The following MAP4 variants were observed in gnomAD, a reference collection of about 807,000 sequenced individuals.
MAP4 encodes the protein microtubule associated protein 4, also known as microtubule-associated protein 4.
Under a neutral mutation model 170.2 loss-of-function variants are expected in MAP4, and 76 were observed. That is an observed-to-expected ratio of 0.45 (90% CI 0.37 to 0.54). The LOEUF (loss-of-function observed/expected upper bound fraction) is 0.54, where lower values mean the gene tolerates loss of function less well. Ranked by LOEUF, MAP4 falls within the 20% of genes least tolerant of loss-of-function variation. The probability of loss-of-function intolerance (pLI) is 0.00; values close to 1 mark genes in which losing one functional copy is unlikely to be tolerated. For missense variants in MAP4, 2,506 were observed against 2,748.0 expected (o/e 0.91, Z 1.97); for synonymous variants, 909 against 994.5 (o/e 0.91, Z 1.62).
intron 2 of MAP4, among the ~76,000 whole-genome samples, chr3:47,989,897 GCA>G (rs1289062482): frequency 6.6e-6 from 1 of 151,860 alleles, no homozygotes. Context: ...ATCGAAAATA[GCA>G]CACTTTTTTT....
At chr3:47,993,386 G>A (rs897709393) in intron 2 of MAP4, among the ~76,000 whole-genome samples, 10 of 152,126 alleles carry the variant, frequency 6.6e-5, no homozygotes, top group African/African-American at 1.4e-4. Flanking sequence ...GAAGCCCACC[G>A]TGGCAGACCA....
At position 47,909,413 on chromosome 3, in the gene MAP4, A is replaced by G. The variant is rs1252509859; in HGVS notation, c.5008T>C (p.Leu1670=). The change falls in exon 9 of 21, where the codon TTG becomes CTG. Residue 1670 remains leucine (L), a synonymous_variant. Transcript: ENST00000683076. ...TTACAAGCCAGACTAATTTCTTTCA[A>G]TTTATCATTTTCACTTTTTGGAGAC... ...LLSPKSENDK[L]KEISLACKIT... 1.2e-6 allele frequency: 2 copies of G among 1,613,400 alleles called. No homozygotes were observed. The highest frequency in any genetic ancestry group is 2.7e-5 in the African/African-American group (2 of 74,860).
At chr3:47,922,882 T>C (rs540758908) in intron 4 of MAP4, among the ~76,000 whole-genome samples, 1 of 152,250 alleles carries the variant, frequency 6.6e-6, no homozygotes, top group East Asian at 1.9e-4. Context: ...ACCCCGTCTC[T>C]ACTAAAAATA....
chr3:47,947,813 A>T (rs1442209336), intron 3 of MAP4, among the ~76,000 whole-genome samples: 3 of 151,662 alleles, frequency 2.0e-5, no homozygotes, highest in Non-Finnish European at 4.4e-5. Flanking sequence ...TCAAAAAAAA[A>T]AAAAAAGAAA....
chr3:47,901,824 G>C (rs1261913761), intron 10 of MAP4, among the ~76,000 whole-genome samples: 1 of 152,212 alleles, frequency 6.6e-6, no homozygotes, highest in African/African-American at 2.4e-5. Context: ...GAGGGTACAA[G>C]TGAAGGGTGA....
At chr3:47,987,301 G>T in intron 2 of MAP4, 2 of 1,016,264 alleles carry the variant, frequency 2.0e-6, no homozygotes, top group Non-Finnish European at 2.8e-6. Context: ...ATGTTAATAA[G>T]TGTAAGATAA....
At chr3:47,884,297 A>C (rs1014626840) in intron 10 of MAP4, among the ~76,000 whole-genome samples, 5 of 152,078 alleles carry the variant, frequency 3.3e-5, no homozygotes, top group Admixed American at 3.3e-4. Flanking sequence ...TTTTAATTTT[A>C]ATTATTATAT....
intron 17 of MAP4, among the ~76,000 whole-genome samples, chr3:47,863,891 GTTAT>G (rs925860562): frequency 6.9e-6 from 1 of 144,014 alleles, no homozygotes; most frequent in African/African-American, 2.8e-5. Flanking sequence ...TGGTAACTGC[GTTAT>G]TTCTGTGTGT....
intron 10 of MAP4, among the ~76,000 whole-genome samples, chr3:47,885,359 A>G (rs2097397400): frequency 7.1e-6 from 1 of 141,596 alleles, no homozygotes; most frequent in Non-Finnish European, 1.5e-5. Context: ...GCAAGATCCC[A>G]TCTCTACCAT....
intron 8 of MAP4, among the ~76,000 whole-genome samples, chr3:47,914,567 G>GACA (rs951926113): frequency 2.0e-5 from 3 of 148,608 alleles, no homozygotes; most frequent in South Asian, 2.2e-4. Context: ...AAAAAACAAC[G>GACA]ACAACAACAA....
At chr3:48,035,304 AG>A (rs2100118265) in intron 1 of MAP4, among the ~76,000 whole-genome samples, 2 of 150,962 alleles carry the variant, frequency 1.3e-5, no homozygotes, top group Admixed American at 1.3e-4. Context: ...AAGAAGAAAA[AG>A]GAAAAAAAAA....
intron 3 of MAP4, among the ~76,000 whole-genome samples, chr3:47,934,067 T>C (rs1043396924): frequency 3.9e-5 from 6 of 152,206 alleles, no homozygotes; most frequent in African/African-American, 1.4e-4. Context: ...CACATACTTG[T>C]TTTTAAACAC....
chr3:47,910,797 C>T lies in MAP4; in HGVS notation c.3624G>A (p.Lys1208=), dbSNP rs560916854. ...DHEAAPWISE[K]PKKRGNEGKS... ...TGCCTTCATTGCCTCTCTTTTTAGGCTTTTCAGAAATCCAGGGAGCTGCCT... is the reference window on the plus strand; with the variant it reads ...TGCCTTCATTGCCTCTCTTTTTAGGTTTTTCAGAAATCCAGGGAGCTGCCT... Residue 1208 remains lysine, a synonymous_variant, in exon 9 of 21, where the codon AAG becomes AAA. Transcript: ENST00000683076. 3,658 of 1,536,036 alleles carry T rather than the reference C, an allele frequency of 2.4e-3. 9 individuals are homozygous for T. The highest frequency in any genetic ancestry group is 2.8e-3 in the Non-Finnish European group (3,241 of 1,146,880).
At chr3:47,888,130 G>A (rs1324386135) in intron 10 of MAP4, among the ~76,000 whole-genome samples, 3 of 152,150 alleles carry the variant, frequency 2.0e-5, no homozygotes, top group Non-Finnish European at 2.9e-5. Context: ...CTAATCTGAT[G>A]GGGACACGGA....
chr3:48,005,566 C>T (rs1360556878), intron 1 of MAP4, among the ~76,000 whole-genome samples: 1 of 152,092 alleles, frequency 6.6e-6, no homozygotes, highest in East Asian at 1.9e-4. Flanking sequence ...AGTTTATTTG[C>T]TTGGTTAGCT....
chr3:47,915,964 G>A lies in MAP4; in HGVS notation c.1863C>T (p.Phe621=), dbSNP rs1375614536. Residue 621 remains phenylalanine (F), a synonymous_variant, in exon 7 of 21, where the codon TTC becomes TTT. Coordinates refer to ENST00000683076, the MANE Select transcript of MAP4 (RefSeq NM_001385682.1). ...ACAAGCACGTACCTGGTGAAATCAT[G>A]AAAGTAGGTGCAGCTGACTGCCCCA... ...QDVGQSAAPT[F]MISPETVTGT... 3.7e-6 allele frequency: 6 copies of A among 1,611,300 alleles called. No individual in the cohort carries two copies. Among genetic ancestry groups the A allele is most frequent in the South Asian group, 1.1e-5 (1 of 90,448 alleles).
chr3:47,984,415 A>G (rs141437130), intron 2 of MAP4, among the ~76,000 whole-genome samples: 53 of 152,370 alleles, frequency 3.5e-4, no homozygotes, highest in African/African-American at 1.2e-3. Flanking sequence ...AAAATTATTC[A>G]AAAGCTATTT....
intron 2 of MAP4, among the ~76,000 whole-genome samples, chr3:47,986,980 CAGTGTAATA>C (rs2100089118): frequency 6.6e-6 from 1 of 152,182 alleles, no homozygotes; most frequent in Non-Finnish European, 1.5e-5. Context: ...CATTTCAATT[CAGTGTAATA>C]AGCAATGATT....
chr3:47,945,127 T>C (rs1012679893), intron 3 of MAP4, among the ~76,000 whole-genome samples: 1 of 151,230 alleles, frequency 6.6e-6, no homozygotes, highest in Non-Finnish European at 1.5e-5. Flanking sequence ...CTGAGGCGGG[T>C]GAATCACCTG....
Sources: allele counts gnomAD v4.1 joint callset (sites outside exome capture counted in the v4.1 genomes callset), GRCh38; gene constraint gnomAD v4.1.1; transcripts MANE v1.5; gene names NCBI Gene and HGNC (gene_info 2026-07-23, HGNC 2026-07-21).